CELF2: variants seen among roughly 807,000 people sequenced by gnomAD.
The protein encoded by CELF2 is CUGBP Elav-like family member 2, also known as CUG triplet repeat RNA-binding protein 2.
Under a neutral mutation model 62.6 loss-of-function variants are expected in CELF2, and 8 were observed. The ratio of observed to expected loss-of-function variants is 0.13; its 90% CI spans 0.07 to 0.23. The LOEUF is 0.23. CELF2 is among the 10% of genes least tolerant of loss of function. CELF2 has a pLI of 1.00. For missense variants in CELF2, 333 were observed against 671.0 expected (o/e 0.50, Z 5.56); for synonymous variants, 258 against 250.0 (o/e 1.03, Z -0.30).
At chr10:10,683,394 T>A in the CELF2 span, among the ~76,000 whole-genome samples, 1 of 152,224 alleles carries the variant, frequency 6.6e-6, no homozygotes, top group Non-Finnish European at 1.5e-5. Context: ...GTTTTGTTGA[T>A]TTTCATGCTT....
chr10:10,893,858 C>G (rs1002958417), intron 1 of CELF2, among the ~76,000 whole-genome samples: 6 of 152,100 alleles, frequency 3.9e-5, no homozygotes, highest in African/African-American at 1.4e-4. Context: ...TGAGAAACCT[C>G]CCCCCATGAT....
chr10:10,933,940 T>A (rs565277282), intron 2 of CELF2, among the ~76,000 whole-genome samples: 1 of 152,328 alleles, frequency 6.6e-6, no homozygotes, highest in South Asian at 2.1e-4. Flanking sequence ...TTGATTTCAA[T>A]TCCTTTGCAT....
At chr10:10,743,274 CGGT>C in the CELF2 span, among the ~76,000 whole-genome samples, 1 of 152,158 alleles carries the variant, frequency 6.6e-6, no homozygotes, top group Admixed American at 6.5e-5. Flanking sequence ...TTGAAATGAG[CGGT>C]GGTCTTTAGA....
At chr10:10,474,559 T>A in the CELF2 span, among the ~76,000 whole-genome samples, 1 of 151,192 alleles carries the variant, frequency 6.6e-6, no homozygotes, top group African/African-American at 2.5e-5. Flanking sequence ...ATAAAACTTA[T>A]TTATGCACAC....
chr10:10,654,347 A>C, the CELF2 span, among the ~76,000 whole-genome samples: 2 of 109,066 alleles, frequency 1.8e-5, 1 homozygote, highest in Non-Finnish European at 4.0e-5. Flanking sequence ...AAAAAGAGGG[A>C]ATCCTCCCTA....
chr10:11,197,019 A>AGGAAGGAAGGAAGGAAGGAAGGAAG (rs1565230134), intron 2 of CELF2, among the ~76,000 whole-genome samples: 1 of 10,728 alleles, frequency 9.3e-5, no homozygotes, highest in African/African-American at 3.4e-4. Context: ...AAAGAAAGAA[A>AGGAAGGAAGGAAGGAAGGAAGGAAG]GAAAGAAAAG....
At chr10:10,541,160 G>A in the CELF2 span, among the ~76,000 whole-genome samples, 1 of 149,674 alleles carries the variant, frequency 6.7e-6, no homozygotes, top group Non-Finnish European at 1.5e-5. Flanking sequence ...GGAGAATGGC[G>A]AGAACCCGGG....
intron 1 of CELF2, among the ~76,000 whole-genome samples, chr10:11,106,776 A>G (rs978753026): frequency 7.2e-5 from 11 of 152,256 alleles, no homozygotes; most frequent in Non-Finnish European, 1.3e-4. Context: ...GAGGAGGGAA[A>G]GGGCATTGCA....
intron 1 of CELF2, among the ~76,000 whole-genome samples, chr10:10,875,411 T>A (rs775377450): frequency 6.6e-6 from 1 of 152,234 alleles, no homozygotes; most frequent in Non-Finnish European, 1.5e-5. Flanking sequence ...TTTTATATAG[T>A]CTGCTCCATT....
chr10:11,164,150 T>C (rs947492354), intron 1 of CELF2, among the ~76,000 whole-genome samples: 14 of 152,230 alleles, frequency 9.2e-5, no homozygotes, highest in Admixed American at 2.6e-4. Context: ...GCCTTCTATT[T>C]TCACAGGCTG....
intron 5 of CELF2, 131 bp downstream of exon 5, chr10:11,258,003 C>A: frequency 2.9e-6 from 3 of 1,041,454 alleles, no homozygotes; most frequent in Admixed American, 2.5e-5. Flanking sequence ...TAAAGTTATC[C>A]AACCTGAACT....
chr10:10,735,732 G>A, the CELF2 span, among the ~76,000 whole-genome samples: 1 of 152,266 alleles, frequency 6.6e-6, no homozygotes, highest in Non-Finnish European at 1.5e-5. Flanking sequence ...TTGTTTGCAT[G>A]GCTATGGTGA....
At chr10:10,532,901 AT>A in the CELF2 span, among the ~76,000 whole-genome samples, 2 of 149,870 alleles carry the variant, frequency 1.3e-5, no homozygotes, top group African/African-American at 2.4e-5. Context: ...AAAAAAAAAA[AT>A]AGAGAGCAAC....
chr10:11,240,590 C>A (rs771527795), intron 3 of CELF2, among the ~76,000 whole-genome samples: 17 of 149,754 alleles, frequency 1.1e-4, no homozygotes, highest in Non-Finnish European at 1.8e-4. Flanking sequence ...GCTACACTTC[C>A]CTGGCCTGAC....
At chr10:10,882,952 G>C (rs1259684096) in intron 1 of CELF2, among the ~76,000 whole-genome samples, 1 of 152,104 alleles carries the variant, frequency 6.6e-6, no homozygotes, top group Non-Finnish European at 1.5e-5. Context: ...TGGTTTATAA[G>C]CTCTGGGCAT....
the CELF2 span, among the ~76,000 whole-genome samples, chr10:10,789,644 G>C: frequency 6.6e-6 from 1 of 151,958 alleles, no homozygotes; most frequent in Non-Finnish European, 1.5e-5. Context: ...TCAATTAAAG[G>C]TGTTTACAAA....
upstream of CELF2, among the ~76,000 whole-genome samples, chr10:11,013,458 G>A (rs532001116): frequency 2.6e-5 from 4 of 152,262 alleles, no homozygotes; most frequent in East Asian, 7.8e-4. This position sits in a 1 kb window ranked among gnomAD's most constrained non-coding sequence, Gnocchi z 4.1. Context: ...CCTCCTTTGC[G>A]AGTGAGAAGG....
the CELF2 span, among the ~76,000 whole-genome samples, chr10:10,478,476 T>C: frequency 2.2e-5 from 3 of 134,560 alleles, no homozygotes; most frequent in Non-Finnish European, 3.2e-5. Context: ...TACAGCATTA[T>C]TACATTTAAT....
At chr10:10,467,914 A>T in the CELF2 span, among the ~76,000 whole-genome samples, 1 of 152,106 alleles carries the variant, frequency 6.6e-6, no homozygotes, top group East Asian at 1.9e-4. Context: ...CAAGGTCAAG[A>T]GACTTTTATA....
Sources: allele counts gnomAD v4.1 joint callset (sites outside exome capture counted in the v4.1 genomes callset), GRCh38; gene constraint gnomAD v4.1.1; non-coding constraint Gnocchi (gnomAD v3.1); transcripts MANE v1.5; gene names NCBI Gene and HGNC (gene_info 2026-07-23, HGNC 2026-07-21).